The following HHAT variants were observed in gnomAD, a reference collection of about 807,000 sequenced individuals.
HHAT encodes the protein hedgehog acyltransferase.
HHAT carries 47 observed loss-of-function variants against 70.8 expected under a neutral mutation model. The observed-to-expected ratio is 0.66, with a 90% CI of 0.53 to 0.85. The LOEUF (loss-of-function observed/expected upper bound fraction) is 0.85. Ranked by LOEUF, HHAT falls within the 40% of genes least tolerant of loss-of-function variation. The pLI, the probability that HHAT is intolerant of heterozygous loss-of-function variation, is 0.00. For synonymous variants in HHAT, 228 were observed against 247.6 expected (o/e 0.92, Z 0.74); for missense variants, 609 against 604.8 (o/e 1.01, Z -0.07).
chr1:210,500,938 C>CT (rs2094740546), intron 8 of HHAT, among the ~76,000 whole-genome samples: 1 of 152,210 alleles, frequency 6.6e-6, no homozygotes, highest in South Asian at 2.1e-4. Flanking sequence ...TGTCCAACTT[C>CT]TTTTTCTGCA....
At chr1:210,659,776 A>G (rs990239562) in intron 11 of HHAT, among the ~76,000 whole-genome samples, 8 of 152,230 alleles carry the variant, frequency 5.3e-5, no homozygotes, top group Non-Finnish European at 1.0e-4. Context: ...ATGCAAATCA[A>G]TAAATGTAAT....
intron 11 of HHAT, among the ~76,000 whole-genome samples, chr1:210,665,019 C>G (rs933120788): frequency 3.9e-5 from 6 of 152,142 alleles, no homozygotes; most frequent in Admixed American, 6.5e-5. Flanking sequence ...TTCTACTTCC[C>G]CATTGGATAT....
chr1:210,611,799 G>A lies in HHAT; in HGVS notation c.1246-11727G>A, dbSNP rs531917526. ...TTGTCTTTAGTTCTGTTTATGTGATGAATCACCTTTATTGATTTGCGTATG... is the reference window on the plus strand; with the variant it reads ...TTGTCTTTAGTTCTGTTTATGTGATAAATCACCTTTATTGATTTGCGTATG... On this transcript the variant is annotated intron_variant, in intron 10 of 11. Transcript: ENST00000261458. Among the ~76,000 whole-genome samples, 11 of 152,252 alleles carry A rather than the reference G, an allele frequency of 7.2e-5. 1 individual carries two copies. The South Asian group carries it at 1.7e-3, about 23-fold the overall frequency.
intron 3 of HHAT, among the ~76,000 whole-genome samples, chr1:210,377,889 A>G (rs964917480): frequency 2.0e-4 from 30 of 152,216 alleles, no homozygotes; most frequent in African/African-American, 7.2e-4. Flanking sequence ...AACTTCACCT[A>G]TGCAGGAGGG....
intron 7 of HHAT, among the ~76,000 whole-genome samples, chr1:210,445,955 A>G (rs190763702): frequency 6.6e-5 from 10 of 151,880 alleles, no homozygotes; most frequent in African/African-American, 2.2e-4. Context: ...TTCATGTGCC[A>G]TGTTGGTGTG....
At chr1:210,524,143 C>T (rs370990524) in intron 9 of HHAT, among the ~76,000 whole-genome samples, 1 of 152,200 alleles carries the variant, frequency 6.6e-6, no homozygotes, top group Non-Finnish European at 1.5e-5. Context: ...AGGCAAGATG[C>T]ATAAGCTCTG....
chr1:210,579,536 G>A (rs937613847), intron 9 of HHAT, among the ~76,000 whole-genome samples: 1 of 152,206 alleles, frequency 6.6e-6, no homozygotes, highest in Non-Finnish European at 1.5e-5. Flanking sequence ...AATCTCCAGA[G>A]TCTTTATATA....
rs562511941 is a variant in HHAT, at chr1:210,615,725, A to T, written c.1246-7801A>T. ...CACTCCAGACCCTGTTTGCCTAGGT[A>T]TCAGCAGTGGAGGCTGCAGAGCAGC... On this transcript the variant is annotated intron_variant, in intron 10 of 11. Transcript: ENST00000261458. Among the ~76,000 whole-genome samples the T allele has an allele frequency of 3.3e-5, 5 of 152,252 alleles. No individual in the cohort carries two copies. In the South Asian group the frequency reaches 1.0e-3, roughly 31 times the overall value.
At chr1:210,566,942 G>A (rs540303171) in intron 9 of HHAT, among the ~76,000 whole-genome samples, 3 of 152,224 alleles carry the variant, frequency 2.0e-5, no homozygotes, top group Non-Finnish European at 2.9e-5. Flanking sequence ...CTAAAAGAAT[G>A]CACTGTAACA....
chr1:210,620,832 G>T (rs1668669534), intron 10 of HHAT, among the ~76,000 whole-genome samples: 1 of 150,170 alleles, frequency 6.7e-6, no homozygotes, highest in African/African-American at 2.4e-5. Flanking sequence ...GATTTTAGTT[G>T]CCCCCCCTCT....
At chr1:210,349,653 T>A (rs1370925938) in intron 2 of HHAT, among the ~76,000 whole-genome samples, 2 of 34,566 alleles carry the variant, frequency 5.8e-5, no homozygotes, top group East Asian at 7.0e-4. Context: ...TACCTAAAAC[T>A]TTTTTTTTTT....
chr1:210,440,495 G>A (rs2093480544), intron 7 of HHAT, among the ~76,000 whole-genome samples: 1 of 151,752 alleles, frequency 6.6e-6, no homozygotes, highest in Non-Finnish European at 1.5e-5. Context: ...TTCCTGAGTG[G>A]ACGCAATCCC....
intron 2 of HHAT, among the ~76,000 whole-genome samples, chr1:210,351,915 T>A (rs1392738527): frequency 6.6e-6 from 1 of 152,204 alleles, no homozygotes; most frequent in African/African-American, 2.4e-5. Context: ...TGCACCTTTT[T>A]ACAGGTGGAG....
rs1680983351 is a variant in HHAT, at chr1:210,675,707, A to G, written c.*1328A>G. 6.6e-6 allele frequency: 1 copy of G among 152,068 alleles called. No homozygotes were observed. Among genetic ancestry groups the G allele is most frequent in the African/African-American group, 2.4e-5 (1 of 41,386 alleles). 9.4% of individuals were successfully genotyped at this position (152,068 alleles called of 1,614,324 possible). ...CCTAGAGTACAGGACCATTTTGTTG[A>G]TTGTCTTTCTTCATAGCTTCTCTGC... On this transcript the variant is annotated 3_prime_UTR_variant, in exon 12 of 12. Coordinates refer to ENST00000261458, the MANE Select transcript of HHAT (RefSeq NM_018194.6).
chr1:210,339,377 C>G (rs1164086514), intron 1 of HHAT, among the ~76,000 whole-genome samples: 3 of 151,986 alleles, frequency 2.0e-5, no homozygotes, highest in Non-Finnish European at 4.4e-5. Context: ...GTGTGCCCAC[C>G]CCTTTCTAAG....
intron 3 of HHAT, 140 bp downstream of exon 3, chr1:210,363,059 A>C: frequency 2.8e-6 from 2 of 723,044 alleles, no homozygotes; most frequent in Non-Finnish European, 4.8e-6. Flanking sequence ...TAAAGGTGTG[A>C]GTGTGCTGTG....
chr1:210,453,849 A>G (rs369517927), intron 7 of HHAT, among the ~76,000 whole-genome samples: 2 of 152,178 alleles, frequency 1.3e-5, no homozygotes, highest in African/African-American at 2.4e-5. Flanking sequence ...AAAGTGAGTG[A>G]TGGACTGTAT....
chr1:210,466,371 CT>C (rs1165475119), intron 8 of HHAT, among the ~76,000 whole-genome samples: 1 of 152,240 alleles, frequency 6.6e-6, no homozygotes, highest in African/African-American at 2.4e-5. Flanking sequence ...CAAAGAGGTG[CT>C]CTCTAACTAG....
intron 9 of HHAT, among the ~76,000 whole-genome samples, chr1:210,518,608 C>T (rs1464092711): frequency 6.6e-6 from 1 of 152,200 alleles, no homozygotes; most frequent in Admixed American, 6.5e-5. Context: ...GCCTGGCCAA[C>T]ATGGCAAAAT....
Sources: gnomAD v4.1 joint callset for allele counts (sites outside exome capture counted in the v4.1 genomes callset) on GRCh38, gnomAD v4.1.1 for gene constraint, MANE v1.5 for transcripts, NCBI Gene and HGNC (gene_info 2026-07-23, HGNC 2026-07-21) for gene names.